Variants in PXDNL observed in about 807,000 individuals in gnomAD.
PXDNL encodes the protein peroxidasin like.
In PXDNL, 145 loss-of-function variants were observed where a neutral mutation model predicts 150.8. The observed-to-expected ratio is 0.96, with a 90% CI of 0.84 to 1.10. The LOEUF is 1.10. PXDNL is among the 50% of genes least tolerant of loss of function. The pLI, the probability that PXDNL is intolerant of heterozygous loss-of-function variation, is 0.00. For synonymous variants in PXDNL, 757 were observed against 725.7 expected (o/e 1.04, Z -0.69); for missense variants, 2,087 against 1,873.9 (o/e 1.11, Z -2.10).
intron 4 of PXDNL, among the ~76,000 whole-genome samples, chr8:51,507,903 C>T (rs1328002226): frequency 6.6e-6 from 1 of 152,200 alleles, no homozygotes; most frequent in Non-Finnish European, 1.5e-5. Flanking sequence ...ACCTGAGCTA[C>T]AGCCTGCTTT....
chr8:51,458,494 A>G (rs910178050), intron 8 of PXDNL, among the ~76,000 whole-genome samples: 6 of 152,242 alleles, frequency 3.9e-5, no homozygotes, highest in Admixed American at 1.3e-4. Flanking sequence ...GTGTACACTT[A>G]GTACTAATGA....
At chr8:51,484,172 C>T (rs1021695822) in intron 5 of PXDNL, among the ~76,000 whole-genome samples, 1 of 151,952 alleles carries the variant, frequency 6.6e-6, no homozygotes, top group Non-Finnish European at 1.5e-5. Flanking sequence ...CGTGGTGGCT[C>T]ACGCCTGTAA....
chr8:51,433,157 G>A (rs567506435), intron 12 of PXDNL, among the ~76,000 whole-genome samples: 28 of 151,368 alleles, frequency 1.8e-4, no homozygotes, highest in East Asian at 5.8e-4. Context: ...TGCGGTGAGC[G>A]GAGGTCGCAC....
chr8:51,707,145 C>A (rs529164893), intron 1 of PXDNL, among the ~76,000 whole-genome samples: 1 of 152,288 alleles, frequency 6.6e-6, no homozygotes, highest in South Asian at 2.1e-4. Context: ...TAGAACTGAG[C>A]ATCTCTGATA....
In PXDNL at chr8:51,475,028, G is replaced by A. The variant is rs1289063924; in HGVS notation, c.638C>T (p.Pro213Leu). Residue 213 changes from proline to leucine, a missense_variant, in exon 7 of 23, where the codon CCC becomes CTC. Transcript: ENST00000356297. ...HTQAAATCEYPRRLHGRAVAS... is the reference protein window; with the variant it reads ...HTQAAATCEYLRRLHGRAVAS... ...AACTGCACGCCCATGGAGTCTCCTG[G>A]GATATTCGCAGGTAGCCGCAGCCTG... The A allele has an allele frequency of 1.2e-5, 20 of 1,612,420 alleles. No individual in the cohort carries two copies. The highest frequency in any genetic ancestry group is 4.0e-5 in the African/African-American group (3 of 75,012).
chr8:51,623,728 C>T (rs746976778), intron 2 of PXDNL, among the ~76,000 whole-genome samples: 1 of 152,134 alleles, frequency 6.6e-6, no homozygotes, highest in Admixed American at 6.5e-5. Context: ...CTGTTATTTC[C>T]ATTCTTTTGC....
chr8:51,414,072 T>C (rs766173507), intron 14 of PXDNL, among the ~76,000 whole-genome samples: 3 of 152,070 alleles, frequency 2.0e-5, no homozygotes, highest in Middle Eastern at 3.2e-3. Flanking sequence ...GAAAATAATG[T>C]CATTTAGGGG....
intron 17 of PXDNL, among the ~76,000 whole-genome samples, chr8:51,396,689 C>A (rs1415479165): frequency 6.6e-6 from 1 of 152,130 alleles, no homozygotes; most frequent in Non-Finnish European, 1.5e-5. Flanking sequence ...ACGTGGGAGG[C>A]AAAGGTTGAG....
rs762048147 is a variant in PXDNL at position 51,409,557 on chromosome 8, G to T, written c.2067C>A (p.Phe689Leu). ...GCGGGGACACCAAGTCATTGTACCG[G>T]AATTCTGAAAGGCAAGCGGCGAAAG... ...GLTVDLEGKE[F>L]RYNDLVSPRS... Residue 689 changes from phenylalanine (F) to leucine (L), a missense_variant, in exon 17 of 23, where the codon TTC becomes TTA. By Grantham distance (22) the Phe-to-Leu change is conservative (BLOSUM62 0). Transcript: ENST00000356297. 3 of 1,565,184 alleles carry T rather than the reference G, an allele frequency of 1.9e-6. No individual in the cohort carries two copies. Among genetic ancestry groups the T allele is most frequent in the Non-Finnish European group, 2.6e-6 (3 of 1,153,800 alleles).
At chr8:51,640,955 T>C (rs1019490084) in intron 2 of PXDNL, among the ~76,000 whole-genome samples, 3 of 152,072 alleles carry the variant, frequency 2.0e-5, no homozygotes, top group African/African-American at 4.8e-5. Context: ...CTTCAAACTA[T>C]ACCACAAGGC....
At chr8:51,506,635 T>A (rs144958988) in intron 4 of PXDNL, among the ~76,000 whole-genome samples, 258 of 150,464 alleles carry the variant, frequency 1.7e-3, no homozygotes, top group African/African-American at 6.1e-3. Flanking sequence ...TTATGAAAAA[T>A]CTTTCTCACT....
chr8:51,764,588 T>C (rs2037205291), intron 1 of PXDNL, among the ~76,000 whole-genome samples: 2 of 152,188 alleles, frequency 1.3e-5, no homozygotes. Context: ...TTTTGCTTAA[T>C]TTCCACATAA....
chr8:51,783,444 T>C lies in PXDNL; in HGVS notation c.164+25737A>G, dbSNP rs182257549. 2.6e-5 allele frequency among the ~76,000 whole-genome samples: 4 copies of C among 152,306 alleles called. No homozygotes were observed. In the East Asian group the frequency reaches 7.7e-4, roughly 29 times the overall value. On this transcript the variant is annotated intron_variant, in intron 1 of 22. Coordinates refer to ENST00000356297, the MANE Select transcript of PXDNL (RefSeq NM_144651.5). ...TACAGAATGGAAATTGAATAACTTA[T>C]CCCAGCTAGATGCTTTTGATTGGCC...
chr8:51,409,063 C>T lies in PXDNL; in HGVS notation c.2561G>A (p.Gly854Asp), dbSNP rs375551253. The T allele has an allele frequency of 6.2e-7, 1 of 1,609,624 alleles. No homozygotes were observed. The highest frequency in any genetic ancestry group is 8.5e-7 in the Non-Finnish European group (1 of 1,179,452). The change falls in exon 17 of 23, where the codon GGC becomes GAC. Residue 854 changes from glycine to aspartate, a missense_variant. Transcript: ENST00000356297. The part of the protein sequence containing the change: ...PMNTRHADPR[G>D]THAPCMLFAR... The stretch of plus-strand genomic sequence containing the variant: ...GAAGAGCATGCAGGGCGCGTGGGTG[C>T]CCCGGGGGTCGGCGTGCCGGGTGTT...
chr8:51,423,537 G>GT, intron 14 of PXDNL, 38 bp downstream of exon 14: 8 of 1,588,244 alleles, frequency 5.0e-6, no homozygotes, highest in Non-Finnish European at 6.0e-6. Context: ...TTCAAAGACA[G>GT]TTATTTGGAT....
chr8:51,382,414 T>C (rs538510386), intron 17 of PXDNL, among the ~76,000 whole-genome samples: 1 of 152,308 alleles, frequency 6.6e-6, no homozygotes, highest in East Asian at 1.9e-4. Flanking sequence ...GGTCTGTTGT[T>C]ACAACAGCCT....
At chr8:51,339,840 T>C (rs981686375) in intron 20 of PXDNL, 87 bp from the exon 21 acceptor site, 3 of 1,386,286 alleles carry the variant, frequency 2.2e-6, no homozygotes, top group Non-Finnish European at 3.0e-6. Flanking sequence ...TTTGGTCATT[T>C]GGCATGTACA....
chr8:51,355,027 G>A (rs1806462350), intron 19 of PXDNL, among the ~76,000 whole-genome samples: 1 of 152,074 alleles, frequency 6.6e-6, no homozygotes, highest in South Asian at 2.1e-4. Context: ...GGTACTAACA[G>A]ACCCAAGGAG....
At chr8:51,718,876 A>G (rs1816667428) in intron 1 of PXDNL, among the ~76,000 whole-genome samples, 1 of 151,976 alleles carries the variant, frequency 6.6e-6, no homozygotes, top group South Asian at 2.1e-4. Flanking sequence ...AGGATCCTGA[A>G]CTAGTCATTT....
Sources: gnomAD v4.1 joint callset for allele counts (sites outside exome capture counted in the v4.1 genomes callset) on GRCh38, gnomAD v4.1.1 for gene constraint, MANE v1.5 for transcripts, NCBI Gene and HGNC (gene_info 2026-07-23, HGNC 2026-07-21) for gene names.